ERBB4: variants seen among roughly 807,000 people sequenced by gnomAD.
The protein encoded by ERBB4 is receptor tyrosine-protein kinase erbB-4.
In ERBB4, 42 loss-of-function variants were observed where a neutral mutation model predicts 158.0. The observed-to-expected ratio is 0.27, with a 90% CI of 0.21 to 0.34. The LOEUF is 0.34. ERBB4 is among the 10% of genes least tolerant of loss of function. The pLI, the probability that ERBB4 is intolerant of heterozygous loss-of-function variation, is 1.00. For synonymous variants in ERBB4, 583 were observed against 558.7 expected (o/e 1.04, Z -0.61); for missense variants, 1,333 against 1,624.1 (o/e 0.82, Z 3.08).
At chr2:211,914,952 C>T (rs535226403) in intron 3 of ERBB4, among the ~76,000 whole-genome samples, 16 of 152,184 alleles carry the variant, frequency 1.1e-4, no homozygotes, top group African/African-American at 3.6e-4. Context: ...AAATCCCAAT[C>T]CTGTTTCCTG....
intron 1 of ERBB4, among the ~76,000 whole-genome samples, chr2:212,398,181 A>G (rs1033914014): frequency 6.6e-6 from 1 of 151,952 alleles, no homozygotes; most frequent in African/African-American, 2.4e-5. Flanking sequence ...TCAAAGTTGG[A>G]AAAGAGAATG....
intron 18 of ERBB4, among the ~76,000 whole-genome samples, chr2:211,623,409 A>C (rs747844199): frequency 6.6e-6 from 1 of 152,138 alleles, no homozygotes; most frequent in Admixed American, 6.6e-5. Context: ...TAGGCAAAAA[A>C]TGATTTAGAA....
chr2:211,527,453 A>G (rs2066379704), intron 20 of ERBB4, among the ~76,000 whole-genome samples: 1 of 152,112 alleles, frequency 6.6e-6, no homozygotes, highest in African/African-American at 2.4e-5. Flanking sequence ...TGGTAAAGGG[A>G]ATACTTCAAC....
At chr2:212,114,983 T>A (rs1318100088) in intron 2 of ERBB4, among the ~76,000 whole-genome samples, 1 of 152,200 alleles carries the variant, frequency 6.6e-6, no homozygotes, top group African/African-American at 2.4e-5. Flanking sequence ...TGATAGACAC[T>A]TTTATTTTTG....
In ERBB4 at chr2:212,319,855, G is replaced by GTAT. The variant is rs144147224; in HGVS notation, c.83-194955_83-194953dup. ...TTTAACACATATTTGTTCTGTAAGGGTATTAATGGACTACATTATCAAGAT... is the reference window on the plus strand; with the variant it reads ...TTTAACACATATTTGTTCTGTAAGGGTATTATTAATGGACTACATTATCAAGAT... On this transcript the variant is annotated intron_variant, in intron 1 of 27. Transcript: ENST00000342788. 5.4e-3 allele frequency among the ~76,000 whole-genome samples: 806 copies of GTAT among 150,156 alleles called. 11 individuals are homozygous for GTAT. The highest frequency in any genetic ancestry group is 0.017 in the African/African-American group (720 of 41,276).
intron 1 of ERBB4, among the ~76,000 whole-genome samples, chr2:212,148,738 C>G (rs2080766915): frequency 6.7e-6 from 1 of 149,574 alleles, no homozygotes; most frequent in Non-Finnish European, 1.5e-5. Context: ...CGGCATTATT[C>G]ACAATAGCAA....
At chr2:211,619,654 C>T (rs1431104619) in intron 18 of ERBB4, among the ~76,000 whole-genome samples, 1 of 151,994 alleles carries the variant, frequency 6.6e-6, no homozygotes, top group Non-Finnish European at 1.5e-5. Flanking sequence ...TCAGTTGTAT[C>T]ATCTGTAATT....
chr2:212,212,922 A>T (rs780028878), intron 1 of ERBB4, among the ~76,000 whole-genome samples: 4 of 152,170 alleles, frequency 2.6e-5, no homozygotes, highest in Non-Finnish European at 5.9e-5. Flanking sequence ...TTAACTCAAG[A>T]TGGTTTAAAT....
rs2062608495 is a variant in ERBB4 at position 211,383,319 on chromosome 2, T to C, written c.*296A>G. On this transcript the variant is annotated 3_prime_UTR_variant, in exon 28 of 28. Coordinates refer to ENST00000342788, the MANE Select transcript of ERBB4 (RefSeq NM_005235.3). Reference sequence around the variant, plus strand: ...AAAAGAAAAAAAGTGACAGCTAGTTTGATAGTAGGCAGCATTGCCTTACAT... The same window carrying C: ...AAAAGAAAAAAAGTGACAGCTAGTTCGATAGTAGGCAGCATTGCCTTACAT... The C allele has an allele frequency of 5.8e-6, 2 of 342,836 alleles. No individual in the cohort carries two copies. The allele number at this position is 342,836 out of a possible 1,614,324, so 21.2% of individuals were successfully genotyped here. A position where few individuals can be genotyped will look rare whatever the true frequency, so the allele number is the denominator to read the frequency against.
At chr2:212,418,761 G>C (rs919703870) in intron 1 of ERBB4, among the ~76,000 whole-genome samples, 2 of 151,454 alleles carry the variant, frequency 1.3e-5, no homozygotes, top group African/African-American at 4.8e-5. Flanking sequence ...TCTTTAAAAG[G>C]CATAAATGAT....
intron 1 of ERBB4, among the ~76,000 whole-genome samples, chr2:212,159,894 A>G (rs1484567192): frequency 6.6e-6 from 1 of 152,022 alleles, no homozygotes; most frequent in South Asian, 2.1e-4. Flanking sequence ...TAATTACTCT[A>G]TAAAACTGAC....
rs530377196 is a variant in ERBB4, at chr2:211,464,265, A to T, written c.2488-33165T>A. Reference sequence around the variant, plus strand: ...CCCAGCACCCAAGACAGTGCCTAGAACATACATAATAGGCACTCGCCAAAT... The same window carrying T: ...CCCAGCACCCAAGACAGTGCCTAGATCATACATAATAGGCACTCGCCAAAT... On this transcript the variant is annotated intron_variant, in intron 20 of 27. Transcript: ENST00000342788. Among the ~76,000 whole-genome samples the T allele has an allele frequency of 6.0e-4, 92 of 152,326 alleles. No homozygotes were observed. The Middle Eastern group carries it at 0.02, about 34-fold the overall frequency.
At chr2:211,421,545 C>A (rs2063514889) in intron 24 of ERBB4, among the ~76,000 whole-genome samples, 1 of 151,716 alleles carries the variant, frequency 6.6e-6, no homozygotes, top group Admixed American at 6.6e-5. Flanking sequence ...GCATATCTCT[C>A]CAAATAAAAC....
chr2:211,413,671 C>T (rs1459906565), intron 25 of ERBB4, among the ~76,000 whole-genome samples: 1 of 152,062 alleles, frequency 6.6e-6, no homozygotes, highest in Admixed American at 6.6e-5. Context: ...ATAGGGTTTT[C>T]TCTTCTATGT....
At chr2:211,681,636 A>C (rs1164389817) in intron 12 of ERBB4, among the ~76,000 whole-genome samples, 1 of 152,096 alleles carries the variant, frequency 6.6e-6, no homozygotes, top group Non-Finnish European at 1.5e-5. Flanking sequence ...AATATCTTTT[A>C]ATGTGTTTAT....
chr2:212,461,743 C>A (rs776113889), intron 1 of ERBB4, among the ~76,000 whole-genome samples: 27 of 152,068 alleles, frequency 1.8e-4, no homozygotes, highest in Non-Finnish European at 3.4e-4. Flanking sequence ...TGTGTCCCCA[C>A]CCAAATCTCA....
At chr2:211,734,228 G>A (rs1020173578) in intron 5 of ERBB4, among the ~76,000 whole-genome samples, 4 of 152,040 alleles carry the variant, frequency 2.6e-5, no homozygotes, top group Non-Finnish European at 5.9e-5. Flanking sequence ...AATTAAAACT[G>A]AAATAAACTT....
chr2:212,523,673 T>G (rs1490159032), intron 1 of ERBB4, among the ~76,000 whole-genome samples: 1 of 151,998 alleles, frequency 6.6e-6, no homozygotes, highest in African/African-American at 2.4e-5. Context: ...AAGGATGGGT[T>G]TCATCTGCTC....
At chr2:211,905,796 A>C (rs2125043676) in intron 3 of ERBB4, among the ~76,000 whole-genome samples, 1 of 147,878 alleles carries the variant, frequency 6.8e-6, no homozygotes, top group South Asian at 2.1e-4. Flanking sequence ...GGATGAGAGA[A>C]AGTCTCTTTG....
Sources: allele counts gnomAD v4.1 joint callset (sites outside exome capture counted in the v4.1 genomes callset), GRCh38; gene constraint gnomAD v4.1.1; transcripts MANE v1.5; gene names NCBI Gene and HGNC (gene_info 2026-07-23, HGNC 2026-07-21).